Variants in CGREF1 observed in about 807,000 individuals in gnomAD.
CGREF1 encodes the protein cell growth regulator with EF-hand domain 1, also known as cell growth regulator with EF hand domain protein 1.
A neutral mutation model predicts 17.4 loss-of-function variants in CGREF1; 16 were observed. The ratio of observed to expected loss-of-function variants is 0.92; its 90% confidence interval spans 0.62 to 1.40. The LOEUF is 1.40. CGREF1 is among the 40% of genes most tolerant of loss of function. The pLI is 0.00. For missense variants in CGREF1, 296 were observed against 376.4 expected (o/e 0.79, Z 1.77); for synonymous variants, 142 against 154.6 (o/e 0.92, Z 0.61).
At chr2:27,107,947 A>AAAG (rs1558461905) in intron 1 of CGREF1, among the ~76,000 whole-genome samples, 1 of 148,296 alleles carries the variant, frequency 6.7e-6, no homozygotes, top group African/African-American at 2.6e-5. Flanking sequence ...AAAAAAAAAA[A>AAAG]AAAGAAAGAA....
rs192360836 is a variant in CGREF1 at position 27,108,294 on chromosome 2, G to A, written c.-11-3917C>T. ...TAAAAAATAAAAATAAAAATGCAACGGGTGAGTTAAATTGATTAGACACAA... is the reference window on the plus strand; with the variant it reads ...TAAAAAATAAAAATAAAAATGCAACAGGTGAGTTAAATTGATTAGACACAA... On this transcript the variant is annotated intron_variant, in intron 1 of 5. Transcript: ENST00000402394. Among the ~76,000 whole-genome samples, 242 of 152,164 alleles carry A rather than the reference G, an allele frequency of 1.6e-3. 1 individual carries two copies. Among genetic ancestry groups the A allele is most frequent in the African/African-American group, 5.6e-3 (231 of 41,542 alleles).
At chr2:27,104,479 C>G (rs766309353) in intron 1 of CGREF1, 102 bp from the exon 2 acceptor site, 50 of 1,553,922 alleles carry the variant, frequency 3.2e-5, no homozygotes, top group Non-Finnish European at 4.2e-5. Context: ...CCTGCTTCTA[C>G]CTGCAGCCCC....
intron 1 of CGREF1, among the ~76,000 whole-genome samples, chr2:27,109,885 CAAAA>C (rs55824603): frequency 1.8e-3 from 121 of 65,816 alleles, no homozygotes; most frequent in African/African-American, 7.7e-3. Flanking sequence ...GACTCCGTCT[CAAAA>C]AAAAAAAAAA....
At chr2:27,099,973 TCTC>T, downstream of CGREF1, 1 of 957,222 alleles carries the variant, frequency 1.0e-6, no homozygotes, top group Non-Finnish European at 1.6e-6. Flanking sequence ...AGAGCCAGCT[TCTC>T]CTCTCAATGT....
In CGREF1 at chr2:27,107,617, G is replaced by A. The variant is rs114425244; in HGVS notation, c.-11-3240C>T. ...TATGAGGAAGAAATAAGAGTTTTCC[G>A]GCCAGCAACAGTATGTTTTAAAAAA... On this transcript the variant is annotated intron_variant, in intron 1 of 5. Transcript: ENST00000402394. Among the ~76,000 whole-genome samples, 941 of 150,848 alleles carry A rather than the reference G, an allele frequency of 6.2e-3. 7 individuals are homozygous for A. Among genetic ancestry groups the A allele is most frequent in the Middle Eastern group, 0.014 (4 of 294 alleles).
chr2:27,108,220 G>A (rs1031729951), intron 1 of CGREF1, among the ~76,000 whole-genome samples: 7 of 151,694 alleles, frequency 4.6e-5, no homozygotes, highest in African/African-American at 9.7e-5. Context: ...ACCCCACTGC[G>A]CTCCAGCCTG....
rs539452710 is a variant in CGREF1, at chr2:27,109,633, C to T, written c.-11-5256G>A. Among the ~76,000 whole-genome samples, 237 of 152,148 alleles carry T rather than the reference C, an allele frequency of 1.6e-3. 1 individual carries two copies. The highest frequency in any genetic ancestry group is 5.3e-3 in the African/African-American group (222 of 41,526). ...GGGCGCGGTGGCTCACGCCTGTAAT[C>T]CCAGCACTCTGGGAGGCCGAGGTGG... is the stretch of plus-strand genomic sequence containing the variant. On this transcript the variant is annotated intron_variant, in intron 1 of 5. Transcript: ENST00000402394.
chr2:27,116,391 G>C (rs942937802), intron 1 of CGREF1, among the ~76,000 whole-genome samples: 3 of 151,826 alleles, frequency 2.0e-5, no homozygotes, highest in African/African-American at 7.3e-5. Flanking sequence ...GCCAGGCACA[G>C]TGGCACGTGC....
intron 1 of CGREF1, among the ~76,000 whole-genome samples, chr2:27,112,669 A>T (rs188260630): frequency 6.5e-4 from 99 of 152,352 alleles, no homozygotes; most frequent in Non-Finnish European, 1.0e-3. Context: ...AGTCAAACAA[A>T]TGTAAGCAAC....
chr2:27,103,879 A>G (rs1671010381), intron 2 of CGREF1, among the ~76,000 whole-genome samples: 1 of 152,048 alleles, frequency 6.6e-6, no homozygotes, highest in Admixed American at 6.5e-5. Context: ...GCTACTCGGG[A>G]GGCTGAGGCA....
intron 1 of CGREF1, among the ~76,000 whole-genome samples, chr2:27,107,706 T>A (rs1428397686): frequency 6.7e-6 from 1 of 149,822 alleles, no homozygotes; most frequent in Non-Finnish European, 1.5e-5. Flanking sequence ...AGGCTGAGGC[T>A]GGTGGATCAC....
intron 4 of CGREF1, 55 bp downstream of exon 4, chr2:27,102,305 C>T: frequency 1.2e-6 from 2 of 1,612,772 alleles, no homozygotes; most frequent in Middle Eastern, 1.7e-4. Context: ...AGGTCAGTCC[C>T]AGATCTGGCT....
At chr2:27,116,144 C>T (rs1671556707) in intron 1 of CGREF1, among the ~76,000 whole-genome samples, 1 of 150,808 alleles carries the variant, frequency 6.6e-6, no homozygotes, top group Admixed American at 6.7e-5. Context: ...AGGAGGATCA[C>T]TTCAGCCCAG....
intron 1 of CGREF1, among the ~76,000 whole-genome samples, chr2:27,116,039 C>T (rs1323318234): frequency 1.8e-5 from 1 of 56,826 alleles, no homozygotes; most frequent in Non-Finnish European, 3.7e-5. Context: ...AAAATGAGAC[C>T]CCCCCCATCT....
At position 27,101,012 on chromosome 2, in the gene CGREF1, G is replaced by C; in HGVS notation, c.*262C>G. The C allele has an allele frequency of 7.8e-7, 1 of 1,276,322 alleles. No homozygotes were observed. Among genetic ancestry groups the C allele is most frequent in the Middle Eastern group, 3.0e-4 (1 of 3,308 alleles). The allele number at this position is 1,276,322 out of a possible 1,614,324, so 79.1% of individuals were successfully genotyped here. On this transcript the variant is annotated 3_prime_UTR_variant, in exon 6 of 6. Coordinates refer to ENST00000402394, the MANE Select transcript of CGREF1 (RefSeq NM_006569.6). ...GGCAGGCGGCATCCCTGTCCTTTCG[G>C]TCCCCAACCCCGTTCCTCTGAGAGG...
At chr2:27,102,727 G>A in intron 2 of CGREF1, 136 bp from the exon 3 acceptor site, 1 of 1,028,014 alleles carries the variant, frequency 9.7e-7, no homozygotes, top group South Asian at 1.7e-5. Flanking sequence ...CAAAAACCCT[G>A]TAGTGGGGAG....
intron 1 of CGREF1, among the ~76,000 whole-genome samples, chr2:27,112,356 A>T (rs1372174618): frequency 1.3e-5 from 2 of 152,206 alleles, no homozygotes; most frequent in Non-Finnish European, 2.9e-5. Flanking sequence ...GACATAACTA[A>T]AGAAACAGCA....
At chr2:27,109,906 A>G (rs1246852219) in intron 1 of CGREF1, among the ~76,000 whole-genome samples, 10 of 151,056 alleles carry the variant, frequency 6.6e-5, no homozygotes, top group Middle Eastern at 3.2e-3. Context: ...AAAAAAAAAA[A>G]AAAAAGCATG....
intron 1 of CGREF1, among the ~76,000 whole-genome samples, chr2:27,116,875 C>T (rs1363278222): frequency 1.2e-3 from 37 of 30,046 alleles, no homozygotes; most frequent in African/African-American, 7.6e-3. Flanking sequence ...GGCCTATTCT[C>T]TCTCTCTCTC....
Sources: gnomAD v4.1 joint callset for allele counts (sites outside exome capture counted in the v4.1 genomes callset) on GRCh38, gnomAD v4.1.1 for gene constraint, MANE v1.5 for transcripts, NCBI Gene and HGNC (gene_info 2026-07-23, HGNC 2026-07-21) for gene names.